PCDH15: variants seen among roughly 807,000 people sequenced by gnomAD.
PCDH15 encodes the protein protocadherin-15.
A neutral mutation model predicts 178.5 loss-of-function variants in PCDH15; 129 were observed. The observed-to-expected ratio is 0.72, with a 90% CI of 0.63 to 0.84. The LOEUF is 0.84. Ranked by LOEUF, PCDH15 falls within the 40% of genes least tolerant of loss-of-function variation. PCDH15 has a pLI of 0.00. For synonymous variants in PCDH15, 800 were observed against 732.0 expected (o/e 1.09, Z -1.50); for missense variants, 2,230 against 2,099.9 (o/e 1.06, Z -1.21).
At chr10:54,892,546 T>C (rs1311902891) in intron 3 of PCDH15, among the ~76,000 whole-genome samples, 1 of 151,540 alleles carries the variant, frequency 6.6e-6, no homozygotes, top group Non-Finnish European at 1.5e-5. Context: ...TTGAGATGCA[T>C]GGAGAATTTA....
At chr10:55,425,749 G>C (rs7917795) in intron 2 of PCDH15, among the ~76,000 whole-genome samples, 76,395 of 151,866 alleles carry the variant, frequency 0.5, 20,451 homozygotes, top group African/African-American at 0.63. Context: ...TTTTTCAAAG[G>C]ATCTGATTGA....
intron 26 of PCDH15, among the ~76,000 whole-genome samples, chr10:53,893,747 AG>A (rs1373209230): frequency 2.0e-4 from 30 of 152,228 alleles, no homozygotes; most frequent in Non-Finnish European, 3.5e-4. Flanking sequence ...CTAAGCTATG[AG>A]GACGCAAAGG....
At chr10:54,700,165 C>G (rs72794525) in intron 1 of PCDH15, among the ~76,000 whole-genome samples, 7,520 of 152,048 alleles carry the variant, frequency 0.049, 254 homozygotes, top group Non-Finnish European at 0.078. Flanking sequence ...CCACCATATT[C>G]CTCTATCAAA....
At chr10:54,973,235 G>T (rs1419556202) in intron 2 of PCDH15, among the ~76,000 whole-genome samples, 1 of 152,134 alleles carries the variant, frequency 6.6e-6, no homozygotes, top group Non-Finnish European at 1.5e-5. Flanking sequence ...AGAAGAAGTT[G>T]CTATGCAAAA....
intron 2 of PCDH15, among the ~76,000 whole-genome samples, chr10:55,061,939 G>T (rs1841445274): frequency 6.6e-6 from 1 of 152,206 alleles, no homozygotes; most frequent in Non-Finnish European, 1.5e-5. Context: ...AGAATCACTT[G>T]AACCCGGGAT....
intron 20 of PCDH15, among the ~76,000 whole-genome samples, chr10:54,016,122 C>A (rs2092732710): frequency 6.6e-6 from 1 of 152,012 alleles, no homozygotes; most frequent in African/African-American, 2.4e-5. Flanking sequence ...TGAACGCACA[C>A]TTTTCAGAAG....
intron 2 of PCDH15, among the ~76,000 whole-genome samples, chr10:55,119,225 T>C (rs1837703457): frequency 6.6e-6 from 1 of 152,124 alleles, no homozygotes; most frequent in Non-Finnish European, 1.5e-5. Flanking sequence ...AGGTCCCTTC[T>C]CAGTATACGA....
At chr10:55,427,937 G>T (rs962057250) in intron 2 of PCDH15, among the ~76,000 whole-genome samples, 4 of 151,944 alleles carry the variant, frequency 2.6e-5, no homozygotes, top group Non-Finnish European at 4.4e-5. Context: ...TCTATTTAAA[G>T]AAAAACGAGT....
In PCDH15 at chr10:55,524,755, C is replaced by T. The variant is rs184458400; in HGVS notation, c.-156+102870G>A. ...CATAGCTTATTTATTATTCCCAAAGCACAGCTGTATGACTGGCACACAGTG... is the reference window on the plus strand; with the variant it reads ...CATAGCTTATTTATTATTCCCAAAGTACAGCTGTATGACTGGCACACAGTG... On this transcript the variant is annotated intron_variant, in intron 2 of 5. Coordinates refer to the PCDH15 transcript ENST00000613346. Among the ~76,000 whole-genome samples, 202 of 151,216 alleles carry T rather than the reference C, an allele frequency of 1.3e-3. 2 individuals are homozygous for T. The highest frequency in any genetic ancestry group is 4.7e-3 in the African/African-American group (194 of 41,034).
intron 2 of PCDH15, among the ~76,000 whole-genome samples, chr10:54,530,318 G>T (rs1002683501): frequency 6.6e-6 from 1 of 151,686 alleles, no homozygotes; most frequent in South Asian, 2.1e-4. Flanking sequence ...ATCTGCCTAC[G>T]CATCACCTCT....
intron 2 of PCDH15, among the ~76,000 whole-genome samples, chr10:55,556,815 T>C (rs563352517): frequency 1.4e-3 from 219 of 152,318 alleles, no homozygotes; most frequent in African/African-American, 5.1e-3. Context: ...TACTCTATCG[T>C]GGGAGACTGT....
intron 3 of PCDH15, among the ~76,000 whole-genome samples, chr10:54,848,099 T>C (rs1331897689): frequency 6.6e-6 from 1 of 152,044 alleles, no homozygotes; most frequent in Non-Finnish European, 1.5e-5. Context: ...AATAAATTAG[T>C]CCAGTGCATT....
intron 2 of PCDH15, among the ~76,000 whole-genome samples, chr10:55,114,714 G>A (rs764701110): frequency 2.6e-5 from 4 of 152,086 alleles, no homozygotes; most frequent in Non-Finnish European, 5.9e-5. Context: ...CACAAACCTA[G>A]GAAATGAAAG....
chr10:55,086,178 C>T (rs892736962), intron 2 of PCDH15, among the ~76,000 whole-genome samples: 25 of 151,968 alleles, frequency 1.6e-4, no homozygotes, highest in African/African-American at 5.8e-4. Flanking sequence ...AATATTAATG[C>T]TAAAACTTTC....
At chr10:54,224,749 T>C (rs2053247386) in intron 9 of PCDH15, among the ~76,000 whole-genome samples, 1 of 152,116 alleles carries the variant, frequency 6.6e-6, no homozygotes, top group Admixed American at 6.5e-5. Context: ...CATTATTTTC[T>C]TCCATTAATT....
chr10:55,601,423 G>A (rs1013945516), intron 2 of PCDH15, among the ~76,000 whole-genome samples: 1 of 152,262 alleles, frequency 6.6e-6, no homozygotes, highest in East Asian at 1.9e-4. Flanking sequence ...ACTAGTTGTT[G>A]AAGGAGAGAG....
intron 2 of PCDH15, among the ~76,000 whole-genome samples, chr10:55,052,537 CAAAAAAAAAAAA>C (rs71014444): frequency 7.6e-5 from 3 of 39,362 alleles, no homozygotes; most frequent in African/African-American, 1.8e-4. Context: ...CCGTCTCATA[CAAAAAAAAAAAA>C]AAAAAAAAAA....
At chr10:54,251,740 G>C (rs775945577) in intron 8 of PCDH15, among the ~76,000 whole-genome samples, 6 of 152,048 alleles carry the variant, frequency 3.9e-5, no homozygotes, top group Non-Finnish European at 7.4e-5. Flanking sequence ...AAAAATATTT[G>C]TTATTATTGT....
At chr10:55,620,089 G>A (rs932260284) in intron 2 of PCDH15, among the ~76,000 whole-genome samples, 2 of 152,050 alleles carry the variant, frequency 1.3e-5, no homozygotes, top group African/African-American at 4.8e-5. Context: ...CAGATTCACT[G>A]TACTGTTTCA....
Sources: allele counts gnomAD v4.1 joint callset (sites outside exome capture counted in the v4.1 genomes callset), GRCh38; gene constraint gnomAD v4.1.1; transcripts MANE v1.5; gene names NCBI Gene and HGNC (gene_info 2026-07-23, HGNC 2026-07-21).